The following MAGI2 variants were observed in gnomAD, a reference collection of about 807,000 sequenced individuals.
The protein encoded by MAGI2 is membrane associated guanylate kinase, WW and PDZ domain containing 2, also known as membrane-associated guanylate kinase, WW and PDZ domain-containing protein 2.
MAGI2 carries 35 observed loss-of-function variants against 133.3 expected under a neutral mutation model. The ratio of observed to expected loss-of-function variants is 0.26; its 90% CI spans 0.20 to 0.35. MAGI2 has a LOEUF of 0.35. MAGI2 is among the 10% of genes least tolerant of loss of function. The probability of loss-of-function intolerance (pLI) is 1.00; values close to 1 mark genes in which losing one functional copy is unlikely to be tolerated. For synonymous variants in MAGI2, 729 were observed against 710.6 expected (o/e 1.03, Z -0.41); for missense variants, 1,636 against 1,863.4 (o/e 0.88, Z 2.25).
chr7:78,658,593 T>C (rs1464538028), intron 2 of MAGI2, among the ~76,000 whole-genome samples: 1 of 152,124 alleles, frequency 6.6e-6, no homozygotes, highest in Admixed American at 6.5e-5. Context: ...AGGACTTTTA[T>C]CTAGAAAAAT....
intron 1 of MAGI2, among the ~76,000 whole-genome samples, chr7:79,355,424 C>A (rs1841960336): frequency 6.6e-6 from 1 of 152,236 alleles, no homozygotes; most frequent in African/African-American, 2.4e-5. Flanking sequence ...AGAACTTTCT[C>A]TGCTGATCTT....
At chr7:79,393,673 A>G (rs1844831657) in intron 1 of MAGI2, among the ~76,000 whole-genome samples, 1 of 152,194 alleles carries the variant, frequency 6.6e-6, no homozygotes, top group Admixed American at 6.5e-5. Context: ...GAAATCCCAC[A>G]GGTATTACTT....
At chr7:78,591,048 G>T (rs1803948940) in intron 3 of MAGI2, among the ~76,000 whole-genome samples, 1 of 152,108 alleles carries the variant, frequency 6.6e-6, no homozygotes, top group Admixed American at 6.5e-5. Flanking sequence ...TTATTAAAGA[G>T]AGTACTATAC....
At chr7:79,279,634 A>T (rs35089407) in intron 1 of MAGI2, among the ~76,000 whole-genome samples, 16,949 of 152,084 alleles carry the variant, frequency 0.11, 1,191 homozygotes, top group East Asian at 0.34. Context: ...GAGCTACGGC[A>T]CTCCAGCCTC....
At chr7:78,770,487 G>C (rs1384740451) in intron 2 of MAGI2, among the ~76,000 whole-genome samples, 1 of 152,208 alleles carries the variant, frequency 6.6e-6, no homozygotes, top group African/African-American at 2.4e-5. Context: ...CAAGTCAGCA[G>C]ATATCTGCTG....
At chr7:78,865,206 A>C (rs1298181642) in intron 2 of MAGI2, among the ~76,000 whole-genome samples, 1 of 152,194 alleles carries the variant, frequency 6.6e-6, no homozygotes, top group African/African-American at 2.4e-5. Context: ...ATTTTGAAAA[A>C]GGAAAGATGA....
chr7:78,880,520 A>C (rs925788675), intron 2 of MAGI2, among the ~76,000 whole-genome samples: 1 of 152,210 alleles, frequency 6.6e-6, no homozygotes, highest in Non-Finnish European at 1.5e-5. Context: ...CCAGACAAGC[A>C]ATTGCTACAG....
At chr7:78,921,801 T>C (rs1799250169) in intron 2 of MAGI2, among the ~76,000 whole-genome samples, 2 of 151,998 alleles carry the variant, frequency 1.3e-5, no homozygotes, top group East Asian at 3.9e-4. Context: ...CCAGCTAATT[T>C]TTTTGTATTT....
chr7:79,063,342 T>C (rs977828128), intron 1 of MAGI2, among the ~76,000 whole-genome samples: 21 of 152,256 alleles, frequency 1.4e-4, no homozygotes, highest in African/African-American at 4.6e-4. Context: ...ATATGCAGTC[T>C]CATCAAAGCT....
At chr7:78,497,003 T>C (rs1402464457) in intron 5 of MAGI2, among the ~76,000 whole-genome samples, 1 of 152,126 alleles carries the variant, frequency 6.6e-6, no homozygotes, top group East Asian at 1.9e-4. Context: ...AAGGATTAAG[T>C]GAATGGAGTA....
chr7:79,159,748 G>A (rs79139093), intron 1 of MAGI2, among the ~76,000 whole-genome samples: 6 of 151,830 alleles, frequency 4.0e-5, no homozygotes, highest in East Asian at 1.9e-4. Flanking sequence ...TTTCTCTTTC[G>A]AAAAGGCCTT....
At chr7:78,481,827 A>C (rs1277807680) in intron 6 of MAGI2, among the ~76,000 whole-genome samples, 1 of 151,920 alleles carries the variant, frequency 6.6e-6, no homozygotes, top group Non-Finnish European at 1.5e-5. Flanking sequence ...AAAACATGAA[A>C]AAAAATTGGG....
intron 1 of MAGI2, among the ~76,000 whole-genome samples, chr7:79,395,445 T>C (rs1844976515): frequency 6.6e-6 from 1 of 152,178 alleles, no homozygotes; most frequent in African/African-American, 2.4e-5. Flanking sequence ...AGTATCATCA[T>C]CCCGTAACGT....
At chr7:78,566,834 G>T (rs982728480) in intron 3 of MAGI2, among the ~76,000 whole-genome samples, 8 of 151,990 alleles carry the variant, frequency 5.3e-5, no homozygotes, top group South Asian at 2.1e-4. Context: ...TAGCATCAAG[G>T]CCTAAAAAAA....
intron 1 of MAGI2, among the ~76,000 whole-genome samples, chr7:79,128,973 C>A (rs186975140): frequency 6.6e-6 from 1 of 152,156 alleles, no homozygotes; most frequent in Non-Finnish European, 1.5e-5. Flanking sequence ...CGAGTTCCAG[C>A]GCTTCTTCCA....
chr7:79,299,527 G>GA (rs1333336662), intron 1 of MAGI2, among the ~76,000 whole-genome samples: 1 of 92,580 alleles, frequency 1.1e-5, no homozygotes. Flanking sequence ...CTGCACTCCA[G>GA]CCTGGAGACA....
chr7:78,033,631 G>A (rs1196179582), intron 21 of MAGI2, among the ~76,000 whole-genome samples: 1 of 152,214 alleles, frequency 6.6e-6, no homozygotes, highest in African/African-American at 2.4e-5. Context: ...AGTACAGAGT[G>A]CTGTGGAGTG....
intron 2 of MAGI2, among the ~76,000 whole-genome samples, chr7:78,710,579 C>A (rs1175358601): frequency 6.6e-6 from 1 of 152,080 alleles, no homozygotes; most frequent in Non-Finnish European, 1.5e-5. Context: ...GGGGCTATTG[C>A]AAGGGTGGGT....
intron 1 of MAGI2, among the ~76,000 whole-genome samples, chr7:79,216,049 T>C (rs1830012160): frequency 6.6e-6 from 1 of 151,830 alleles, no homozygotes; most frequent in South Asian, 2.1e-4. Context: ...CACGCCCAAA[T>C]GTTCCCTTTT....
Sources: gnomAD v4.1 joint callset for allele counts (sites outside exome capture counted in the v4.1 genomes callset) on GRCh38, gnomAD v4.1.1 for gene constraint, MANE v1.5 for transcripts, NCBI Gene and HGNC (gene_info 2026-07-23, HGNC 2026-07-21) for gene names.